The following MRTFB variants were observed in gnomAD, a reference collection of about 807,000 sequenced individuals.
MRTFB encodes the protein myocardin related transcription factor B, also known as myocardin-related transcription factor B.
In MRTFB, 29 loss-of-function variants were observed where a neutral mutation model predicts 104.2. The observed-to-expected ratio is 0.28, with a 90% CI of 0.21 to 0.38. The LOEUF (loss-of-function observed/expected upper bound fraction) is 0.38, where lower values mean the gene tolerates loss of function less well. MRTFB is among the 10% of genes least tolerant of loss of function. MRTFB has a pLI of 1.00. For synonymous variants in MRTFB, 535 were observed against 519.5 expected, an observed-to-expected ratio of 1.03 and a Z score of -0.41; for missense variants, 1,270 against 1,341.6, an observed-to-expected ratio of 0.95 and a Z score of 0.83.
At chr16:14,173,263 T>G (rs1284809634) in intron 3 of MRTFB, among the ~76,000 whole-genome samples, 1 of 152,200 alleles carries the variant, frequency 6.6e-6, no homozygotes, top group Admixed American at 6.5e-5. Context: ...CGCTTGTTGG[T>G]GTTTTTACTG....
chr16:14,098,853 C>A (rs1045047503), intron 2 of MRTFB, among the ~76,000 whole-genome samples: 1 of 152,212 alleles, frequency 6.6e-6, no homozygotes, highest in African/African-American at 2.4e-5. Flanking sequence ...TCTCACTTCA[C>A]TGAGTTGCCT....
chr16:14,129,583 T>C (rs151284188), intron 2 of MRTFB, among the ~76,000 whole-genome samples: 1 of 152,326 alleles, frequency 6.6e-6, no homozygotes, highest in East Asian at 1.9e-4. Flanking sequence ...TGCTGGATCA[T>C]ATGGTAAAAT....
chr16:14,089,565 T>C (rs1473983626), intron 2 of MRTFB, among the ~76,000 whole-genome samples: 2 of 152,224 alleles, frequency 1.3e-5, no homozygotes, highest in Non-Finnish European at 1.5e-5. Context: ...TTTTTGGTTA[T>C]TATGAATCAT....
chr16:14,225,379 C>T (rs1457308304), intron 8 of MRTFB, among the ~76,000 whole-genome samples: 1 of 151,980 alleles, frequency 6.6e-6, no homozygotes, highest in African/African-American at 2.4e-5. Context: ...GGGGGTGAAG[C>T]TGTAAAGAAG....
At chr16:14,087,224 G>T (rs182978014) in intron 2 of MRTFB, among the ~76,000 whole-genome samples, 8 of 152,302 alleles carry the variant, frequency 5.3e-5, no homozygotes, top group Admixed American at 2.6e-4. Context: ...TAAGAGTAGA[G>T]TTTGGAAAGG....
At chr16:14,076,426 C>G (rs551784195) in intron 1 of MRTFB, among the ~76,000 whole-genome samples, 1 of 152,296 alleles carries the variant, frequency 6.6e-6, no homozygotes, top group South Asian at 2.1e-4. Flanking sequence ...AACTCCTGAC[C>G]TCAGGTTATC....
the MRTFB span, among the ~76,000 whole-genome samples, chr16:14,052,202 A>G: frequency 6.6e-6 from 1 of 152,158 alleles, no homozygotes; most frequent in Admixed American, 6.5e-5. Flanking sequence ...GGAGGATTAC[A>G]TGAAATGAGG....
chr16:14,073,244 A>G (rs28367283), intron 1 of MRTFB, among the ~76,000 whole-genome samples: 4,076 of 152,268 alleles, frequency 0.027, 197 homozygotes, highest in African/African-American at 0.093. Context: ...TACCAGGCGA[A>G]TCTTCATTAT....
In MRTFB at chr16:14,089,058, C is replaced by T. The variant is rs552018615; in HGVS notation, c.-64+9704C>T. On this transcript the variant is annotated intron_variant, in intron 2 of 16. Coordinates refer to ENST00000571589, the MANE Select transcript of MRTFB (RefSeq NM_001308142.2). ...TTGAACAGATTGTGTGTTTTTACAA[C>T]AGGTTATCTTGTAGCAAGCAGAGTG... Among the ~76,000 whole-genome samples the T allele has an allele frequency of 2.6e-5, 4 of 152,248 alleles. No individual in the cohort carries two copies. In the South Asian group the frequency reaches 8.3e-4, roughly 32 times the overall value.
At chr16:14,130,892 T>A (rs753103125) in intron 2 of MRTFB, among the ~76,000 whole-genome samples, 10 of 151,912 alleles carry the variant, frequency 6.6e-5, no homozygotes, top group Non-Finnish European at 1.5e-4. Flanking sequence ...AATTATCAGA[T>A]CTCATGAGAA....
At chr16:14,023,240 C>T in the MRTFB span, among the ~76,000 whole-genome samples, 1 of 151,792 alleles carries the variant, frequency 6.6e-6, no homozygotes, top group African/African-American at 2.4e-5. Context: ...GAGTTCAAGA[C>T]CAATCCTGGC....
the MRTFB span, among the ~76,000 whole-genome samples, chr16:14,024,074 G>C: frequency 6.6e-6 from 1 of 151,914 alleles, no homozygotes; most frequent in African/African-American, 2.4e-5. Flanking sequence ...AATGGTGCCT[G>C]GTGCATCGTG....
chr16:14,231,289 T>TAGAATAA (rs2042252740), intron 8 of MRTFB, among the ~76,000 whole-genome samples: 1 of 141,040 alleles, frequency 7.1e-6, no homozygotes, highest in African/African-American at 3.0e-5. Context: ...ATAATAATAA[T>TAGAATAA]AAAATAAAAA....
At chr16:14,253,247 T>C (rs926889305) in intron 15 of MRTFB, among the ~76,000 whole-genome samples, 1 of 152,202 alleles carries the variant, frequency 6.6e-6, no homozygotes, top group Non-Finnish European at 1.5e-5. Context: ...TAAAGCTTTC[T>C]GTCAAAGCTT....
At chr16:14,220,299 TAC>T (rs1270502293) in intron 8 of MRTFB, among the ~76,000 whole-genome samples, 1 of 152,218 alleles carries the variant, frequency 6.6e-6, no homozygotes, top group Non-Finnish European at 1.5e-5. Context: ...AACAAACAGT[TAC>T]ACTTATCCAT....
At chr16:14,173,043 C>T (rs2039473223) in intron 3 of MRTFB, among the ~76,000 whole-genome samples, 1 of 152,132 alleles carries the variant, frequency 6.6e-6, no homozygotes, top group African/African-American at 2.4e-5. Flanking sequence ...AATATTTATT[C>T]AGCATACTCA....
At chr16:14,005,424 G>A in the MRTFB span, among the ~76,000 whole-genome samples, 1 of 152,180 alleles carries the variant, frequency 6.6e-6, no homozygotes, top group South Asian at 2.1e-4. Context: ...TGAGAGCCTC[G>A]TCCTCAGCAG....
chr16:14,140,709 C>T lies in MRTFB; in HGVS notation c.103C>T (p.Leu35Phe), dbSNP rs1471301582. 6.2e-7 allele frequency: 1 copy of T among 1,614,184 alleles called. No individual in the cohort carries two copies. The highest frequency in any genetic ancestry group is 1.7e-5 in the Admixed American group (1 of 60,024). The part of the protein sequence containing the change: ...SEAVAHEFQE[L>F]SLQSSQNLPP... ...AGCTGTGGCTCATGAATTCCAGGAA[C>T]TCTCCTTGCAGTCCAGTCAAAACTT... Residue 35 changes from leucine to phenylalanine, a missense_variant, in exon 3 of 17, where the codon CTC becomes TTC. By Grantham distance (22) the Leu-to-Phe change is conservative (BLOSUM62 0). Coordinates refer to ENST00000571589, the MANE Select transcript of MRTFB (RefSeq NM_001308142.2).
In MRTFB at chr16:14,149,119, G is replaced by T. The variant is rs1160330316; in HGVS notation, c.154+8359G>T. Reference sequence around the variant, plus strand: ...TTTAGAATATGTAGTTTCTATTGATGGTTTTTAAGGGTTGGCACGTATGCG... The same window carrying T: ...TTTAGAATATGTAGTTTCTATTGATTGTTTTTAAGGGTTGGCACGTATGCG... On this transcript the variant is annotated intron_variant, in intron 3 of 16. Transcript: ENST00000571589. Among the ~76,000 whole-genome samples, 4 of 152,246 alleles carry T rather than the reference G, an allele frequency of 2.6e-5. No individual in the cohort carries two copies. In the East Asian group the frequency reaches 5.8e-4, roughly 22 times the overall value.
Sources: allele counts gnomAD v4.1 joint callset (sites outside exome capture counted in the v4.1 genomes callset), GRCh38; gene constraint gnomAD v4.1.1; transcripts MANE v1.5; gene names NCBI Gene and HGNC (gene_info 2026-07-23, HGNC 2026-07-21).